The following NOX4 variants were observed in gnomAD, a reference collection of about 807,000 sequenced individuals.
NOX4 encodes NADPH oxidase 4.
NOX4 carries 69 observed loss-of-function variants against 87.6 expected under a neutral mutation model. That is an observed-to-expected ratio of 0.79 (90% CI 0.65 to 0.96). The LOEUF is 0.96. Among genes scored for constraint, NOX4 ranks in the 40% least tolerant of loss-of-function variants. The pLI is 0.00. For synonymous variants in NOX4, 275 were observed against 238.2 expected (o/e 1.15, Z -1.42); for missense variants, 680 against 681.5 (o/e 1.00, Z 0.02).
rs150073379 is a variant in NOX4 at position 89,351,354 on chromosome 11, A to G, written c.1217+3608T>C. Among the ~76,000 whole-genome samples the G allele has an allele frequency of 2.6e-5, 4 of 152,350 alleles. No individual in the cohort carries two copies. In the East Asian group the frequency reaches 7.7e-4, roughly 29 times the overall value. On this transcript the variant is annotated intron_variant, in intron 13 of 17. Transcript: ENST00000263317. ...GAAAAGAAGCCATCTCTATAATATA[A>G]AAGTTCAAAGCAAAGCAGCAAGTGC... is the stretch of plus-strand genomic sequence containing the variant.
At chr11:89,462,533 CA>C (rs1421710077) in intron 2 of NOX4, among the ~76,000 whole-genome samples, 1 of 152,024 alleles carries the variant, frequency 6.6e-6, no homozygotes, top group African/African-American at 2.4e-5. Flanking sequence ...CGGAGCAAAA[CA>C]AAGACCCATA....
At chr11:89,442,923 T>C (rs995955816) in intron 5 of NOX4, among the ~76,000 whole-genome samples, 3 of 151,866 alleles carry the variant, frequency 2.0e-5, no homozygotes, top group South Asian at 2.1e-4. Context: ...AGGAAACAAG[T>C]AGCTAGTGAT....
At chr11:89,391,902 T>C (rs1452889924) in intron 11 of NOX4, among the ~76,000 whole-genome samples, 3 of 151,672 alleles carry the variant, frequency 2.0e-5, no homozygotes, top group Non-Finnish European at 2.9e-5. Context: ...TATTTCATTC[T>C]CTCCTTCCTT....
the NOX4 span, among the ~76,000 whole-genome samples, chr11:89,554,091 T>G: frequency 6.9e-6 from 1 of 144,508 alleles, no homozygotes; most frequent in Non-Finnish European, 1.5e-5. Context: ...AAAGGATGTA[T>G]TTTTTTTTTC....
At chr11:89,586,000 C>T in the NOX4 span, among the ~76,000 whole-genome samples, 1 of 152,056 alleles carries the variant, frequency 6.6e-6, no homozygotes, top group African/African-American at 2.4e-5. Context: ...GATTATCTTA[C>T]AATCCATCTT....
upstream of NOX4, among the ~76,000 whole-genome samples, chr11:89,496,407 T>C (rs1267751452): frequency 6.6e-6 from 1 of 152,204 alleles, no homozygotes. Context: ...AATTTTTATT[T>C]AGAATTGCCC....
chr11:89,352,986 A>G (rs1427282772), intron 13 of NOX4, among the ~76,000 whole-genome samples: 1 of 152,110 alleles, frequency 6.6e-6, no homozygotes, highest in East Asian at 1.9e-4. Flanking sequence ...CAGCTGGCTA[A>G]TTTTTGTATT....
chr11:89,449,529 A>G lies in NOX4; in HGVS notation c.265-5T>C. 6.2e-7 allele frequency: 1 copy of G among 1,604,856 alleles called. No individual in the cohort carries two copies. The highest frequency in any genetic ancestry group is 2.2e-5 in the East Asian group (1 of 44,656). ...CCTGGTTCTCCTGCTTGGAACCTAA[A>G]CAAAAATCATTTAATATGGTAAAAA... On this transcript the variant is annotated splice_region_variant and splice_polypyrimidine_tract_variant and intron_variant, in intron 3 of 17. Transcript: ENST00000263317.
chr11:89,369,822 G>A (rs1347291630), intron 12 of NOX4, among the ~76,000 whole-genome samples: 1 of 151,666 alleles, frequency 6.6e-6, no homozygotes, highest in Admixed American at 6.6e-5. Context: ...GATATCTAGT[G>A]CAAGGTGGTT....
chr11:89,473,921 C>T (rs964496584), intron 2 of NOX4, among the ~76,000 whole-genome samples: 2 of 152,116 alleles, frequency 1.3e-5, no homozygotes, highest in African/African-American at 2.4e-5. Context: ...AGTAGGTACT[C>T]AGTTAAGAGG....
chr11:89,438,741 TATA>T (rs1420525349), intron 6 of NOX4, among the ~76,000 whole-genome samples: 1 of 60,302 alleles, frequency 1.7e-5, no homozygotes. Flanking sequence ...ATATACTATA[TATA>T]ATACTATATA....
At chr11:89,345,149 T>G (rs1946160801) in intron 13 of NOX4, among the ~76,000 whole-genome samples, 1 of 152,200 alleles carries the variant, frequency 6.6e-6, no homozygotes, top group Admixed American at 6.5e-5. Context: ...GAATTTCCTG[T>G]AGGGCTTCTT....
intron 2 of NOX4, among the ~76,000 whole-genome samples, chr11:89,474,685 A>G (rs1468813858): frequency 6.6e-6 from 1 of 152,018 alleles, no homozygotes; most frequent in Non-Finnish European, 1.5e-5. Flanking sequence ...ATAGACATAA[A>G]CATAAATGAA....
the NOX4 span, among the ~76,000 whole-genome samples, chr11:89,569,842 A>T: frequency 6.6e-6 from 1 of 152,000 alleles, no homozygotes; most frequent in African/African-American, 2.4e-5. Context: ...CTCTATTAAA[A>T]ATACAAAAAA....
chr11:89,375,785 G>A (rs1371552483), intron 11 of NOX4, among the ~76,000 whole-genome samples: 2 of 152,134 alleles, frequency 1.3e-5, no homozygotes, highest in Non-Finnish European at 2.9e-5. Flanking sequence ...ACAGAGATCT[G>A]AGCTACCAAT....
chr11:89,442,619 C>T (rs886287825), intron 5 of NOX4, among the ~76,000 whole-genome samples: 9 of 151,998 alleles, frequency 5.9e-5, no homozygotes, highest in East Asian at 3.9e-4. Flanking sequence ...CCATAAAATG[C>T]GACTCAAAAT....
At chr11:89,385,956 C>A (rs193254240) in intron 11 of NOX4, among the ~76,000 whole-genome samples, 2 of 152,268 alleles carry the variant, frequency 1.3e-5, no homozygotes, top group Admixed American at 1.3e-4. Context: ...TTAGTCAAAT[C>A]ACCCAAGCAG....
intron 11 of NOX4, among the ~76,000 whole-genome samples, chr11:89,396,087 C>T (rs991733487): frequency 7.9e-5 from 12 of 152,108 alleles, no homozygotes; most frequent in Non-Finnish European, 1.3e-4. Context: ...CTATAAATTA[C>T]CATGGGAAGT....
In NOX4 at chr11:89,453,123, C is replaced by A. The variant is rs548657827; in HGVS notation, c.154-1228G>T. ...TACACACTATTATTAACTATAGTCA[C>A]CCTGTTGTGCAAAAACAGGCCTATT... On this transcript the variant is annotated intron_variant, in intron 2 of 17. Coordinates refer to ENST00000263317, the MANE Select transcript of NOX4 (RefSeq NM_016931.5). Among the ~76,000 whole-genome samples the A allele has an allele frequency of 2.6e-5, 4 of 152,228 alleles. No homozygotes were observed. In the South Asian group the frequency reaches 6.2e-4, roughly 24 times the overall value.
Sources: allele counts gnomAD v4.1 joint callset (sites outside exome capture counted in the v4.1 genomes callset), GRCh38; gene constraint gnomAD v4.1.1; transcripts MANE v1.5; gene names NCBI Gene and HGNC (gene_info 2026-07-23, HGNC 2026-07-21).